The following COL23A1 variants were observed in gnomAD, a reference collection of about 807,000 sequenced individuals.
COL23A1 encodes the protein collagen type XXIII alpha 1 chain, also known as collagen alpha-1(XXIII) chain.
In COL23A1, 97 loss-of-function variants were observed where a neutral mutation model predicts 99.3. The observed-to-expected ratio is 0.98, with a 90% CI of 0.83 to 1.16. The LOEUF is 1.16. COL23A1 is among the 50% of genes most tolerant of loss of function. COL23A1 has a pLI of 0.00. For synonymous variants in COL23A1, 320 were observed against 308.2 expected, an observed-to-expected ratio of 1.04 and a Z score of -0.40; for missense variants, 762 against 757.4, an observed-to-expected ratio of 1.01 and a Z score of -0.07.
At chr5:178,277,846 A>T (rs1284591823) in intron 5 of COL23A1, among the ~76,000 whole-genome samples, 1 of 152,222 alleles carries the variant, frequency 6.6e-6, no homozygotes, top group African/African-American at 2.4e-5. Context: ...TTACCCTGTC[A>T]GGTATCAGAA....
At position 178,256,183 on chromosome 5, in the gene COL23A1, A is replaced by G. The variant is rs527418077; in HGVS notation, c.882+170T>C. On this transcript the variant is annotated intron_variant, in intron 15 of 28. Transcript: ENST00000390654. ...TTTGAACATTTTACCCCAAAAAAGC[A>G]TGTACTCTGGATTTTCAAAAATCAC... Among the ~76,000 whole-genome samples, 22 of 152,294 alleles carry G rather than the reference A, an allele frequency of 1.4e-4. No homozygotes were observed. The South Asian group carries it at 4.4e-3, about 30-fold the overall frequency.
chr5:178,290,314 C>A, intron 4 of COL23A1, 48 bp downstream of exon 4: 1 of 1,613,624 alleles, frequency 6.2e-7, no homozygotes, highest in Non-Finnish European at 8.5e-7. Flanking sequence ...GAGAGAGAAC[C>A]AAACATCTTA....
intron 2 of COL23A1, among the ~76,000 whole-genome samples, chr5:178,334,286 C>A (rs1581171624): frequency 2.6e-5 from 4 of 152,338 alleles, no homozygotes; most frequent in African/African-American, 9.6e-5. Flanking sequence ...AGACGACCCA[C>A]AACAATTCTC....
At chr5:178,484,030 C>T (rs773804033) in intron 2 of COL23A1, among the ~76,000 whole-genome samples, 1 of 152,088 alleles carries the variant, frequency 6.6e-6, no homozygotes, top group Non-Finnish European at 1.5e-5. Context: ...CTCCCAGGTT[C>T]AAGCGATTCT....
chr5:178,244,200 A>G (rs1764554867), intron 25 of COL23A1, among the ~76,000 whole-genome samples: 1 of 149,998 alleles, frequency 6.7e-6, no homozygotes, highest in Non-Finnish European at 1.5e-5. Flanking sequence ...CGTGTTAGCC[A>G]GGATGGTCTC....
intron 2 of COL23A1, among the ~76,000 whole-genome samples, chr5:178,315,166 C>T (rs1004047743): frequency 1.3e-5 from 2 of 152,122 alleles, no homozygotes; most frequent in African/African-American, 2.4e-5. Flanking sequence ...TTTAGTTAAG[C>T]TTTTCCAATG....
At chr5:178,425,212 C>T (rs1203710790) in intron 2 of COL23A1, among the ~76,000 whole-genome samples, 2 of 152,140 alleles carry the variant, frequency 1.3e-5, no homozygotes, top group Admixed American at 6.5e-5. Context: ...CACCTGAGGT[C>T]AGGAGTTCGA....
chr5:178,321,480 CTTTTTTTTTTT>C (rs570803192), intron 2 of COL23A1, among the ~76,000 whole-genome samples: 5 of 109,026 alleles, frequency 4.6e-5, no homozygotes, highest in South Asian at 3.3e-4. Context: ...GTCACCTTCC[CTTTTTTTTTTT>C]TTTTTTTTTT....
intron 1 of COL23A1, among the ~76,000 whole-genome samples, chr5:178,578,465 C>T (rs1335401053): frequency 6.6e-6 from 1 of 152,228 alleles, no homozygotes; most frequent in African/African-American, 2.4e-5. Context: ...GCAGTTAAAG[C>T]ACAGTCAAAT....
intron 5 of COL23A1, among the ~76,000 whole-genome samples, chr5:178,283,897 C>T (rs1337805131): frequency 6.6e-6 from 1 of 152,230 alleles, no homozygotes; most frequent in African/African-American, 2.4e-5. Flanking sequence ...TATCCCAGGG[C>T]AAACTCCCAT....
rs1471631763 is a variant in COL23A1 at position 178,544,786 on chromosome 5, C to T, written c.361+15896G>A. Among the ~76,000 whole-genome samples, 3 of 152,162 alleles carry T rather than the reference C, an allele frequency of 2.0e-5. No individual in the cohort carries two copies. The highest frequency in any genetic ancestry group is 2.9e-5 in the Non-Finnish European group (2 of 68,036). On this transcript the variant is annotated intron_variant, in intron 2 of 28. Transcript: ENST00000390654. This position sits in a 1 kb window ranked among gnomAD's most constrained non-coding sequence, Gnocchi z 4.4. The stretch of plus-strand genomic sequence containing the variant: ...ACTGGGGTAGTACGTTCGGGCCAGA[C>T]GTGGTGGCTCATAGCTGTAACCCCA...
At chr5:178,504,115 T>C (rs1758730944) in intron 2 of COL23A1, among the ~76,000 whole-genome samples, 2 of 152,280 alleles carry the variant, frequency 1.3e-5, no homozygotes, top group Admixed American at 6.5e-5. Context: ...CCTGAGTTCC[T>C]GTCATCTTTT....
chr5:178,479,879 T>C (rs1490970290), intron 2 of COL23A1, among the ~76,000 whole-genome samples: 1 of 151,896 alleles, frequency 6.6e-6, no homozygotes, highest in East Asian at 1.9e-4. Context: ...CATCATAGAG[T>C]GAATGAACTT....
In COL23A1 at chr5:178,544,656, C is replaced by T. The variant is rs558883250; in HGVS notation, c.361+16026G>A. Among the ~76,000 whole-genome samples, 3 of 152,250 alleles carry T rather than the reference C, an allele frequency of 2.0e-5. No homozygotes were observed. The East Asian group carries it at 5.8e-4, about 29-fold the overall frequency. ...CCCCACTGTGAGACGGGCGGTGCCA[C>T]AAATGGGAGGTGACGATCAGGGGCG... On this transcript the variant is annotated intron_variant, in intron 2 of 28. Transcript: ENST00000390654. This position sits in a 1 kb window ranked among gnomAD's most constrained non-coding sequence, Gnocchi z 4.4.
chr5:178,406,096 C>A (rs182818509), intron 2 of COL23A1, among the ~76,000 whole-genome samples: 2 of 152,300 alleles, frequency 1.3e-5, no homozygotes, highest in African/African-American at 4.8e-5. Flanking sequence ...GAGTGAGACT[C>A]TGTCTCAAAA....
chr5:178,346,400 AT>A (rs1760975168), intron 2 of COL23A1, among the ~76,000 whole-genome samples: 1 of 151,804 alleles, frequency 6.6e-6, no homozygotes, highest in Non-Finnish European at 1.5e-5. Flanking sequence ...TGTCTGGCTA[AT>A]TTTTTTGTAT....
intron 1 of COL23A1, among the ~76,000 whole-genome samples, chr5:178,569,033 A>G (rs971196930): frequency 3.3e-5 from 5 of 152,194 alleles, no homozygotes; most frequent in Non-Finnish European, 5.9e-5. Context: ...GTCATTTTAC[A>G]CTGCCACCAG....
Position 178,495,714 on chromosome 5 carries a change from T to C in COL23A1, c.361+64968A>G, listed in dbSNP as rs535032608. On this transcript the variant is annotated intron_variant, in intron 2 of 28. Transcript: ENST00000390654. ...GCACGGGGACCAAGAAACAGCAAGC[T>C]GCAATATGAAAATAGTGGGGGCTGA... is the stretch of plus-strand genomic sequence containing the variant. Among the ~76,000 whole-genome samples the C allele has an allele frequency of 7.9e-5, 12 of 152,004 alleles. No individual in the cohort carries two copies. In the South Asian group the frequency reaches 8.3e-4, roughly 11 times the overall value.
At chr5:178,290,453 C>T in intron 3 of COL23A1, 84 bp from the exon 4 acceptor site, 1 of 1,572,832 alleles carries the variant, frequency 6.4e-7, no homozygotes, top group African/African-American at 1.3e-5. Flanking sequence ...CCTCACCTGT[C>T]CTCAGCACGG....
Sources: gnomAD v4.1 joint callset for allele counts (sites outside exome capture counted in the v4.1 genomes callset) on GRCh38, gnomAD v4.1.1 for gene constraint, Gnocchi (gnomAD v3.1) non-coding constraint, MANE v1.5 for transcripts, NCBI Gene and HGNC (gene_info 2026-07-23, HGNC 2026-07-21) for gene names.